The following NR2F1-AS1 variants were observed in gnomAD, a reference collection of about 807,000 sequenced individuals.
The protein encoded by NR2F1-AS1 is NR2F1 antisense RNA 1.
intron 4 of NR2F1-AS1, among the ~76,000 whole-genome samples, chr5:93,459,095 C>T (rs1371340713): frequency 2.6e-5 from 4 of 152,194 alleles, no homozygotes; most frequent in African/African-American, 7.2e-5. Flanking sequence ...TAAATGACTT[C>T]GGACTCGTAT....
At chr5:93,585,580 G>A (rs1338844830), upstream of NR2F1-AS1, 1 of 994,658 alleles carries the variant, frequency 1.0e-6, no homozygotes, top group South Asian at 1.6e-5. Context: ...TGTGGGGCTG[G>A]GGCTCCTGTG....
At chr5:93,455,307 T>G (rs1057087249) in intron 4 of NR2F1-AS1, among the ~76,000 whole-genome samples, 2 of 152,198 alleles carry the variant, frequency 1.3e-5, no homozygotes, top group Non-Finnish European at 2.9e-5. Flanking sequence ...GTAAGATTCT[T>G]CCCCATATGT....
intron 4 of NR2F1-AS1, among the ~76,000 whole-genome samples, chr5:93,524,825 C>T (rs1268482097): frequency 3.9e-5 from 6 of 152,112 alleles, no homozygotes; most frequent in African/African-American, 1.4e-4. Flanking sequence ...TTTGTCACCA[C>T]CAGGCCGGCC....
chr5:93,503,478 G>A (rs1047230182), intron 4 of NR2F1-AS1, among the ~76,000 whole-genome samples: 30 of 152,228 alleles, frequency 2.0e-4, no homozygotes, highest in Admixed American at 5.9e-4. Context: ...TCCCAAATTC[G>A]AAATAGAAAA....
At chr5:93,484,791 A>T (rs1750681358) in intron 4 of NR2F1-AS1, among the ~76,000 whole-genome samples, 1 of 151,840 alleles carries the variant, frequency 6.6e-6, no homozygotes, top group South Asian at 2.1e-4. Context: ...AAAAAAAAAA[A>T]AAAAATGCAG....
chr5:93,456,705 G>A (rs1041556716), intron 4 of NR2F1-AS1, among the ~76,000 whole-genome samples: 1 of 151,472 alleles, frequency 6.6e-6, no homozygotes, highest in African/African-American at 2.4e-5. Flanking sequence ...CAGGGAACCG[G>A]CGTTCAGCAT....
intron 4 of NR2F1-AS1, among the ~76,000 whole-genome samples, chr5:93,467,852 C>T (rs1247359101): frequency 6.6e-6 from 1 of 152,158 alleles, no homozygotes; most frequent in Non-Finnish European, 1.5e-5. Flanking sequence ...GTTTCCTGCC[C>T]TGTGTCCATG....
In NR2F1-AS1 at chr5:93,572,032, G is replaced by A. The variant is rs1193095087; in HGVS notation, n.313+8435C>T. On this transcript the variant is annotated intron_variant and non_coding_transcript_variant, in intron 1 of 5. Transcript: ENST00000660523. ...AAAACGGTAAGCGGAGGTCTGGGGT[G>A]GGATAGTGCGCAGGGGTTCCTCTGA... is the stretch of plus-strand genomic sequence containing the variant. Among the ~76,000 whole-genome samples, 3 of 152,284 alleles carry A rather than the reference G, an allele frequency of 2.0e-5. No homozygotes were observed. In the East Asian group the frequency reaches 5.8e-4, roughly 29 times the overall value.
intron 4 of NR2F1-AS1, among the ~76,000 whole-genome samples, chr5:93,547,239 A>G (rs1406732349): frequency 6.6e-6 from 1 of 152,242 alleles, no homozygotes; most frequent in East Asian, 1.9e-4. Flanking sequence ...CACCAACAAA[A>G]GTGTACATTA....
At chr5:93,433,318 G>A (rs1354398980) in intron 4 of NR2F1-AS1, among the ~76,000 whole-genome samples, 1 of 152,110 alleles carries the variant, frequency 6.6e-6, no homozygotes, top group Non-Finnish European at 1.5e-5. Flanking sequence ...CTATTTACAT[G>A]CCCATGATAA....
At chr5:93,432,366 A>G (rs1031607452) in intron 4 of NR2F1-AS1, 2 of 152,188 alleles carry the variant, frequency 1.3e-5, no homozygotes, top group African/African-American at 4.8e-5. Flanking sequence ...AGTACTTACC[A>G]TGATCATTAA....
At chr5:93,433,289 G>T (rs1242702524) in intron 4 of NR2F1-AS1, among the ~76,000 whole-genome samples, 2 of 152,134 alleles carry the variant, frequency 1.3e-5, no homozygotes, top group African/African-American at 4.8e-5. Context: ...CTTGTAGCCA[G>T]CCTAAAACAA....
chr5:93,436,793 A>G (rs1749441719), intron 4 of NR2F1-AS1, among the ~76,000 whole-genome samples: 2 of 152,134 alleles, frequency 1.3e-5, no homozygotes, highest in Non-Finnish European at 2.9e-5. Context: ...AACACGTAAT[A>G]TATTCCCAAG....
chr5:93,440,953 A>G (rs1474982868), intron 4 of NR2F1-AS1, among the ~76,000 whole-genome samples: 1 of 152,254 alleles, frequency 6.6e-6, no homozygotes, highest in African/African-American at 2.4e-5. Context: ...AAAACCCAAT[A>G]GGAAAATGTG....
At chr5:93,429,765 G>C (rs757884668) in intron 4 of NR2F1-AS1, among the ~76,000 whole-genome samples, 1 of 152,110 alleles carries the variant, frequency 6.6e-6, no homozygotes, top group Non-Finnish European at 1.5e-5. Context: ...ATATCTTTGT[G>C]TTTCAACCCT....
At chr5:93,518,155 A>G (rs1311476798) in intron 4 of NR2F1-AS1, among the ~76,000 whole-genome samples, 1 of 152,038 alleles carries the variant, frequency 6.6e-6, no homozygotes, top group African/African-American at 2.4e-5. Context: ...TACAGGCCTA[A>G]AATTACCTTT....
chr5:93,477,970 A>G (rs1392352108), intron 4 of NR2F1-AS1, among the ~76,000 whole-genome samples: 4 of 152,198 alleles, frequency 2.6e-5, no homozygotes, highest in Admixed American at 2.6e-4. Context: ...TTGATTTCCA[A>G]TCCTGGGACT....
intron 4 of NR2F1-AS1, among the ~76,000 whole-genome samples, chr5:93,532,103 C>T (rs1436215299): frequency 6.6e-6 from 1 of 152,072 alleles, no homozygotes; most frequent in Non-Finnish European, 1.5e-5. Flanking sequence ...TAAAGACTAC[C>T]TCTGGTGGCT....
chr5:93,438,692 C>T (rs1749495630), intron 4 of NR2F1-AS1: 1 of 152,142 alleles, frequency 6.6e-6, no homozygotes, highest in Non-Finnish European at 1.5e-5. Flanking sequence ...TATTTCAAAG[C>T]CAGGACTTAC....
Sources: gnomAD v4.1 joint callset for allele counts (sites outside exome capture counted in the v4.1 genomes callset) on GRCh38, gnomAD v4.1.1 for gene constraint, MANE v1.5 for transcripts, NCBI Gene and HGNC (gene_info 2026-07-23, HGNC 2026-07-21) for gene names.